The following DIPK1A variants were observed in gnomAD, a reference collection of about 807,000 sequenced individuals.
DIPK1A encodes family with sequence similarity 69 member A.
Under a neutral mutation model 40.8 loss-of-function variants are expected in DIPK1A, and 27 were observed. That is an observed-to-expected ratio of 0.66 (90% confidence interval 0.49 to 0.91). The LOEUF is 0.91. Among genes scored for constraint, DIPK1A ranks in the 40% least tolerant of loss-of-function variants. The pLI is 0.00. For missense variants in DIPK1A, 412 were observed against 505.7 expected (o/e 0.81, Z 1.78); for synonymous variants, 166 against 171.3 (o/e 0.97, Z 0.24).
intron 1 of DIPK1A, chr1:92,931,891 T>A (rs1387715353): frequency 1.6e-5 from 3 of 193,096 alleles, no homozygotes; most frequent in Admixed American, 5.6e-5. Context: ...CACTCTTGGA[T>A]CAAAGGCAGA....
chr1:92,890,138 A>G (rs1431908010), intron 1 of DIPK1A, among the ~76,000 whole-genome samples: 1 of 152,178 alleles, frequency 6.6e-6, no homozygotes, highest in Non-Finnish European at 1.5e-5. Context: ...ATATATAGAA[A>G]TACTACTGAT....
At chr1:92,898,886 C>A (rs900774090) in intron 1 of DIPK1A, among the ~76,000 whole-genome samples, 3 of 152,096 alleles carry the variant, frequency 2.0e-5, no homozygotes, top group African/African-American at 7.2e-5. Flanking sequence ...CTTCACCTTC[C>A]CGAGTAGCTG....
chr1:92,879,660 C>A (rs1272548494), intron 1 of DIPK1A, among the ~76,000 whole-genome samples: 1 of 152,132 alleles, frequency 6.6e-6, no homozygotes, highest in Non-Finnish European at 1.5e-5. Flanking sequence ...GACCTTCATG[C>A]GTCCTTTAAT....
At chr1:92,886,631 T>C (rs879598034) in intron 1 of DIPK1A, among the ~76,000 whole-genome samples, 21 of 152,198 alleles carry the variant, frequency 1.4e-4, no homozygotes, top group Admixed American at 1.4e-3. Context: ...TATTGTGCTA[T>C]AATATTGGAT....
intron 1 of DIPK1A, among the ~76,000 whole-genome samples, chr1:92,959,703 G>A (rs1024666698): frequency 2.0e-5 from 3 of 150,738 alleles, no homozygotes; most frequent in Non-Finnish European, 4.4e-5. Flanking sequence ...CGCCCGCCTC[G>A]GCCTCCCAAA....
At chr1:92,878,340 T>G (rs576852203) in intron 1 of DIPK1A, among the ~76,000 whole-genome samples, 37 of 152,118 alleles carry the variant, frequency 2.4e-4, no homozygotes, top group African/African-American at 8.9e-4. Flanking sequence ...AGTATAGGAA[T>G]TTGAGATCAG....
At chr1:92,836,360 AGCTG>A in intron 4 of DIPK1A, 1 of 1,614,144 alleles carries the variant, frequency 6.2e-7, no homozygotes, top group Non-Finnish European at 8.5e-7. Flanking sequence ...CCCTGAAGGG[AGCTG>A]TGGATGGAGG....
At chr1:92,873,035 T>C (rs1647948066) in intron 2 of DIPK1A, among the ~76,000 whole-genome samples, 1 of 152,206 alleles carries the variant, frequency 6.6e-6, no homozygotes, top group Admixed American at 6.5e-5. Context: ...AACATAAGGT[T>C]TCTGCTTCTC....
At chr1:92,938,571 T>C (rs1299436713) in intron 1 of DIPK1A, among the ~76,000 whole-genome samples, 1 of 151,746 alleles carries the variant, frequency 6.6e-6, no homozygotes, top group East Asian at 1.9e-4. Flanking sequence ...ATTTCACTAA[T>C]TTGACTTCAA....
chr1:92,957,218 A>AAAAGAC (rs1651888009), intron 1 of DIPK1A, among the ~76,000 whole-genome samples: 1 of 152,230 alleles, frequency 6.6e-6, no homozygotes, highest in African/African-American at 2.4e-5. Context: ...CACTGCTAAA[A>AAAAGAC]AAAGACAAAT....
Position 92,844,151 on chromosome 1 carries a change from G to A in DIPK1A, c.519C>T (p.Leu173=). Residue 173 remains leucine, a synonymous_variant, in exon 5 of 5, where the codon CTC becomes CTT. Transcript: ENST00000370310. Reference sequence around the variant, plus strand: ...TGTCTCCATCAGCCACCGTCAAGATGAGATTAACCAGTTCAGAGAGGTTTC... The same window carrying A: ...TGTCTCCATCAGCCACCGTCAAGATAAGATTAACCAGTTCAGAGAGGTTTC... ...DQGNLSELVN[L]ILTVADGDKD... 6.4e-7 allele frequency: 1 copy of A among 1,551,704 alleles called. No individual in the cohort carries two copies. The highest frequency in any genetic ancestry group is 2.4e-5 in the East Asian group (1 of 40,922).
At chr1:92,892,576 T>C (rs7550660) in intron 1 of DIPK1A, among the ~76,000 whole-genome samples, 98,929 of 151,776 alleles carry the variant, frequency 0.65, 32,772 homozygotes, top group East Asian at 0.95. Context: ...AAACTGAAAA[T>C]TCTAAAAAGC....
At chr1:92,903,659 C>T (rs2100825269) in intron 1 of DIPK1A, among the ~76,000 whole-genome samples, 1 of 152,258 alleles carries the variant, frequency 6.6e-6, no homozygotes, top group East Asian at 1.9e-4. Context: ...TAGTCAAAAT[C>T]TAAAGAACCC....
chr1:92,954,299 C>CA (rs201689835), intron 1 of DIPK1A, among the ~76,000 whole-genome samples: 9,604 of 118,168 alleles, frequency 0.081, 419 homozygotes, highest in Non-Finnish European at 0.12. Context: ...CCCTGTCTCA[C>CA]AAAAAAAAAA....
intron 4 of DIPK1A, chr1:92,834,985 TA>T (rs1687060665): frequency 2.5e-6 from 4 of 1,589,718 alleles, no homozygotes; most frequent in Admixed American, 1.7e-5. Flanking sequence ...AAGATGTTTG[TA>T]CATGGATAAG....
chr1:92,935,472 G>A (rs1255205540), intron 1 of DIPK1A, among the ~76,000 whole-genome samples: 2 of 151,976 alleles, frequency 1.3e-5, no homozygotes, highest in African/African-American at 2.4e-5. Flanking sequence ...TTTAAACTTG[G>A]GGAGATTCTT....
At chr1:92,851,435 C>A (rs565110516) in intron 2 of DIPK1A, among the ~76,000 whole-genome samples, 3 of 144,366 alleles carry the variant, frequency 2.1e-5, no homozygotes, top group Non-Finnish European at 4.5e-5. Context: ...GCCAGCTACT[C>A]GGGAGGCTGA....
chr1:92,910,784 C>T (rs1329135149), intron 1 of DIPK1A, among the ~76,000 whole-genome samples: 1 of 152,098 alleles, frequency 6.6e-6, no homozygotes, highest in Non-Finnish European at 1.5e-5. Flanking sequence ...TTGATACAAT[C>T]TACTGATTTT....
intron 2 of DIPK1A, among the ~76,000 whole-genome samples, chr1:92,870,535 A>G (rs986694269): frequency 1.2e-4 from 19 of 152,154 alleles, no homozygotes; most frequent in Admixed American, 1.3e-4. Flanking sequence ...CTGGATTTTG[A>G]TTTTTAAATA....
Sources: gnomAD v4.1 joint callset for allele counts (sites outside exome capture counted in the v4.1 genomes callset) on GRCh38, gnomAD v4.1.1 for gene constraint, MANE v1.5 for transcripts, NCBI Gene and HGNC (gene_info 2026-07-23, HGNC 2026-07-21) for gene names.